The following SEPTIN7 variants were observed in gnomAD, a reference collection of about 807,000 sequenced individuals.
SEPTIN7 encodes the protein septin 7.
In SEPTIN7, 10 loss-of-function variants were observed where a neutral mutation model predicts 63.3. That is an observed-to-expected ratio of 0.16 (90% CI 0.10 to 0.27). SEPTIN7 has a LOEUF of 0.27. SEPTIN7 is among the 10% of genes least tolerant of loss of function. SEPTIN7 has a pLI of 1.00. For missense variants in SEPTIN7, 310 were observed against 521.0 expected (o/e 0.59, Z 3.94); for synonymous variants, 131 against 165.3 (o/e 0.79, Z 1.59).
At chr7:35,861,664 C>G (rs913377002) in intron 3 of SEPTIN7, among the ~76,000 whole-genome samples, 5 of 152,214 alleles carry the variant, frequency 3.3e-5, no homozygotes, top group African/African-American at 1.2e-4. Flanking sequence ...CCCCAAACAT[C>G]TATTGTGTCC....
At chr7:35,880,186 T>TTTTTC (rs1174495828) in intron 7 of SEPTIN7, among the ~76,000 whole-genome samples, 2 of 150,552 alleles carry the variant, frequency 1.3e-5, no homozygotes, top group Admixed American at 1.3e-4. Context: ...ATTATTTTCT[T>TTTTTC]TTTTCTTTTC....
chr7:35,865,722 T>C lies in SEPTIN7; in HGVS notation c.276+2064T>C, dbSNP rs189861211. ...TAACTGTTATTTCATGAAAGTGTTT[T>C]GATAATATTTTCTGTCATTTTATTC... On this transcript the variant is annotated intron_variant, in intron 4 of 13. Coordinates refer to ENST00000350320, the MANE Select transcript of SEPTIN7 (RefSeq NM_001788.6). Among the ~76,000 whole-genome samples the C allele has an allele frequency of 8.5e-5, 13 of 152,358 alleles. No individual in the cohort carries two copies. In the East Asian group the frequency reaches 2.5e-3, roughly 29 times the overall value.
chr7:35,809,390 A>T (rs1415856986), intron 1 of SEPTIN7, among the ~76,000 whole-genome samples: 3 of 152,266 alleles, frequency 2.0e-5, no homozygotes, highest in Admixed American at 2.0e-4. Context: ...GATGCCTGGC[A>T]TATAATAAAC....
chr7:35,804,111 A>T (rs1309592308), intron 1 of SEPTIN7, among the ~76,000 whole-genome samples: 1 of 152,232 alleles, frequency 6.6e-6, no homozygotes, highest in Non-Finnish European at 1.5e-5. Flanking sequence ...AGACTTTAAA[A>T]TTAAAGACTG....
At chr7:35,820,608 C>T (rs1272950144) in intron 1 of SEPTIN7, among the ~76,000 whole-genome samples, 3 of 152,038 alleles carry the variant, frequency 2.0e-5, no homozygotes, top group Non-Finnish European at 4.4e-5. Context: ...ATTTGATGAA[C>T]ATTGTTTTCA....
At chr7:35,914,779 T>A in the SEPTIN7 span, among the ~76,000 whole-genome samples, 1 of 151,962 alleles carries the variant, frequency 6.6e-6, no homozygotes, top group South Asian at 2.1e-4. Flanking sequence ...AAATCTCTAT[T>A]CTCTCTCTTT....
At chr7:35,869,602 G>A (rs1786024926) in intron 4 of SEPTIN7, among the ~76,000 whole-genome samples, 1 of 152,156 alleles carries the variant, frequency 6.6e-6, no homozygotes, top group Non-Finnish European at 1.5e-5. Flanking sequence ...TAAGTGGCAT[G>A]TAAACATTAA....
In SEPTIN7 at chr7:35,890,944, T is replaced by A. The variant is rs183075458; in HGVS notation, c.998+151T>A. ...AGCATAAATTTATATTGTTATGCTT[T>A]GTTAATAGTAGAAGCTTTTTTGAAT... On this transcript the variant is annotated intron_variant, in intron 11 of 13. Transcript: ENST00000350320. 1.9e-3 allele frequency among the ~76,000 whole-genome samples: 291 copies of A among 152,372 alleles called. 1 individual carries two copies. Among genetic ancestry groups the A allele is most frequent in the African/African-American group, 6.7e-3 (278 of 41,596 alleles).
At chr7:35,838,890 CG>C (rs1230241416) in intron 3 of SEPTIN7, among the ~76,000 whole-genome samples, 2 of 152,090 alleles carry the variant, frequency 1.3e-5, no homozygotes, top group African/African-American at 4.8e-5. Context: ...CTACCAAAAC[CG>C]TTTGTTACAA....
intron 12 of SEPTIN7, chr7:35,901,508 G>A (rs1032071468): frequency 2.0e-5 from 3 of 152,242 alleles, no homozygotes; most frequent in South Asian, 2.1e-4. Flanking sequence ...CTTTCTAAGC[G>A]GTGTTGTCGT....
At chr7:35,851,061 T>C (rs1266856332) in intron 3 of SEPTIN7, among the ~76,000 whole-genome samples, 1 of 152,148 alleles carries the variant, frequency 6.6e-6, no homozygotes, top group East Asian at 1.9e-4. Context: ...ATTGTGACTT[T>C]CTTCAAAACC....
intron 1 of SEPTIN7, among the ~76,000 whole-genome samples, chr7:35,818,350 T>C (rs188473844): frequency 6.6e-6 from 1 of 152,198 alleles, no homozygotes; most frequent in East Asian, 1.9e-4. Context: ...ATAACCCCTT[T>C]TTATTGCTGG....
chr7:35,912,614 G>A, the SEPTIN7 span, among the ~76,000 whole-genome samples: 1 of 152,186 alleles, frequency 6.6e-6, no homozygotes, highest in South Asian at 2.1e-4. Flanking sequence ...CTCCCCGACT[G>A]AGCTGGTCTC....
chr7:35,850,462 C>G (rs1426057283), intron 3 of SEPTIN7, among the ~76,000 whole-genome samples: 1 of 152,190 alleles, frequency 6.6e-6, no homozygotes, highest in African/African-American at 2.4e-5. Context: ...TGCCTCTACT[C>G]TAACATGGTA....
chr7:35,844,869 G>A (rs1171878945), intron 3 of SEPTIN7, among the ~76,000 whole-genome samples: 4 of 152,034 alleles, frequency 2.6e-5, no homozygotes, highest in African/African-American at 9.7e-5. Flanking sequence ...GGGATTACAG[G>A]TATGAGCCAT....
chr7:35,826,956 G>A (rs1332701752), intron 1 of SEPTIN7, among the ~76,000 whole-genome samples: 1 of 152,080 alleles, frequency 6.6e-6, no homozygotes, highest in Non-Finnish European at 1.5e-5. Context: ...TGTTTGAAGC[G>A]TGCTGTTACT....
At chr7:35,848,086 AC>A (rs1456125855) in intron 3 of SEPTIN7, 1 of 152,034 alleles carries the variant, frequency 6.6e-6, no homozygotes, top group African/African-American at 2.4e-5. Flanking sequence ...GTTGCCCTCT[AC>A]TTTTGTAGAG....
At chr7:35,897,203 A>G (rs528573262) in intron 11 of SEPTIN7, among the ~76,000 whole-genome samples, 40 of 152,330 alleles carry the variant, frequency 2.6e-4, no homozygotes, top group African/African-American at 9.6e-4. Flanking sequence ...ATAAACCTCA[A>G]TCAATGGTCA....
chr7:35,832,980 CACTG>C (rs1024621729), intron 3 of SEPTIN7, 80 bp downstream of exon 3: 28 of 810,412 alleles, frequency 3.5e-5, no homozygotes, highest in Non-Finnish European at 8.7e-6. Context: ...TTTAAGAAAA[CACTG>C]GCACAGATAT....
Sources: allele counts gnomAD v4.1 joint callset (sites outside exome capture counted in the v4.1 genomes callset), GRCh38; gene constraint gnomAD v4.1.1; transcripts MANE v1.5; gene names NCBI Gene and HGNC (gene_info 2026-07-23, HGNC 2026-07-21).